VWF: variants seen among roughly 807,000 people sequenced by gnomAD.
VWF encodes Factor VIII related antigen.
A neutral mutation model predicts 308.6 loss-of-function variants in VWF; 176 were observed. That is an observed-to-expected ratio of 0.57 (90% CI 0.50 to 0.65). The LOEUF (loss-of-function observed/expected upper bound fraction) is 0.65. VWF is among the 30% of genes least tolerant of loss of function. The probability of loss-of-function intolerance (pLI) is 0.00; values close to 1 mark genes in which losing one functional copy is unlikely to be tolerated. For synonymous variants in VWF, 1,385 were observed against 1,443.4 expected (o/e 0.96, Z 0.92); for missense variants, 3,146 against 3,648.2 (o/e 0.86, Z 3.55).
intron 6 of VWF, among the ~76,000 whole-genome samples, chr12:6,084,025 G>C (rs1944943122): frequency 1.3e-5 from 2 of 152,106 alleles, no homozygotes; most frequent in Non-Finnish European, 2.9e-5. Flanking sequence ...ATCTTGCATG[G>C]CCCTGGACAT....
intron 5 of VWF, among the ~76,000 whole-genome samples, chr12:6,107,885 C>A (rs1945260876): frequency 6.6e-6 from 1 of 152,066 alleles, no homozygotes; most frequent in Non-Finnish European, 1.5e-5. Context: ...GTCTCCATCT[C>A]CTGACCTCAT....
chr12:6,080,349 C>A lies in VWF; in HGVS notation c.658-4798G>T, dbSNP rs113190143. Reference sequence around the variant, plus strand: ...CTCCAGCTCTTAACTGGCATTCAATCTACCTGAACCGGGTGTTTCCATGGG... The same window carrying A: ...CTCCAGCTCTTAACTGGCATTCAATATACCTGAACCGGGTGTTTCCATGGG... On this transcript the variant is annotated intron_variant, in intron 6 of 51. Coordinates refer to ENST00000261405, the MANE Select transcript of VWF (RefSeq NM_000552.5). Among the ~76,000 whole-genome samples, 569 of 152,364 alleles carry A rather than the reference C, an allele frequency of 3.7e-3. 2 individuals are homozygous for A. The highest frequency in any genetic ancestry group is 5.9e-3 in the Non-Finnish European group (404 of 68,038).
In VWF at chr12:6,123,122, G is replaced by T. The variant is rs1283796226; in HGVS notation, c.55+20C>A. ...TGGCCCTGGGGCAGGAATGAGAAAT[G>T]GAGGCCCTTTTGTACCTACCTGGCA... On this transcript the variant is annotated intron_variant, in intron 2 of 51. Transcript: ENST00000261405. The T allele has an allele frequency of 6.2e-7, 1 of 1,614,138 alleles. No homozygotes were observed. The highest frequency in any genetic ancestry group is 8.5e-7 in the Non-Finnish European group (1 of 1,179,998).
At chr12:6,118,024 C>T (rs369394710) in intron 3 of VWF, among the ~76,000 whole-genome samples, 75 of 152,194 alleles carry the variant, frequency 4.9e-4, no homozygotes, top group East Asian at 3.5e-3. Flanking sequence ...CAGTGCTGGA[C>T]GGGTGGAATG....
At chr12:6,022,118 C>T (rs1944136223) in intron 26 of VWF, 83 bp from the exon 27 acceptor site, 1 of 1,582,920 alleles carries the variant, frequency 6.3e-7, no homozygotes, top group Non-Finnish European at 8.7e-7. Flanking sequence ...AGGGAGGAGC[C>T]AACTCCTCCT....
At chr12:5,954,341 C>A (rs1196030668) in intron 47 of VWF, among the ~76,000 whole-genome samples, 5 of 152,168 alleles carry the variant, frequency 3.3e-5, no homozygotes, top group Non-Finnish European at 5.9e-5. Context: ...AACCTTCCTG[C>A]AGATGATGAT....
At chr12:6,014,166 G>A (rs554307089) in intron 31 of VWF, among the ~76,000 whole-genome samples, 1 of 152,172 alleles carries the variant, frequency 6.6e-6, no homozygotes, top group Non-Finnish European at 1.5e-5. Context: ...AGGCCCCAGA[G>A]CAGAAATGTG....
intron 20 of VWF, among the ~76,000 whole-genome samples, chr12:6,033,684 C>G (rs943302560): frequency 6.6e-6 from 1 of 152,212 alleles, no homozygotes; most frequent in African/African-American, 2.4e-5. Flanking sequence ...TCTGGGCCAG[C>G]CCGGGTGTGA....
At chr12:6,112,309 G>A (rs1315333883) in intron 3 of VWF, among the ~76,000 whole-genome samples, 1 of 152,168 alleles carries the variant, frequency 6.6e-6, no homozygotes, top group Non-Finnish European at 1.5e-5. Flanking sequence ...TTCACAGCGT[G>A]ACCAAAGCTT....
At chr12:6,034,652 G>A (rs753287707) in intron 20 of VWF, 36 bp downstream of exon 20, 4 of 1,613,148 alleles carry the variant, frequency 2.5e-6, no homozygotes, top group Middle Eastern at 1.7e-4. Flanking sequence ...CTCCTAGAAA[G>A]AAACAGCACC....
At chr12:6,092,614 T>TGAGTGAGAGAGAGAGA (rs71064187) in intron 6 of VWF, among the ~76,000 whole-genome samples, 4,726 of 85,430 alleles carry the variant, frequency 0.055, 337 homozygotes, top group South Asian at 0.069. Flanking sequence ...AGTGAGTGAG[T>TGAGTGAGAGAGAGAGA]GAGAGTGTGT....
Position 6,011,605 on chromosome 12 carries a change from C to A in VWF, c.5842+12G>T, listed in dbSNP as rs1217054959. On this transcript the variant is annotated intron_variant, in intron 34 of 51. Coordinates refer to ENST00000261405, the MANE Select transcript of VWF (RefSeq NM_000552.5). ...TTTGACGCTGCCCTGGCTGGAGAAG[C>A]AAAGGACTCACAGGGGCAGGTCCAG... 3 of 1,599,836 alleles carry A rather than the reference C, an allele frequency of 1.9e-6. No homozygotes were observed. Among genetic ancestry groups the A allele is most frequent in the African/African-American group, 1.3e-5 (1 of 74,844 alleles).
chr12:6,036,291 G>A (rs1451562527), intron 19 of VWF, 97 bp downstream of exon 19: 12 of 1,036,530 alleles, frequency 1.2e-5, no homozygotes, highest in Non-Finnish European at 1.7e-5. Flanking sequence ...GTTCCCACAG[G>A]GGGCTGGAGG....
chr12:6,059,711 G>T (rs1944632593), intron 13 of VWF, among the ~76,000 whole-genome samples: 2 of 152,188 alleles, frequency 1.3e-5, no homozygotes, highest in African/African-American at 4.8e-5. Flanking sequence ...TCACCTTGGG[G>T]GTTAGGATTT....
intron 3 of VWF, 33 bp downstream of exon 3, chr12:6,121,141 T>C: frequency 1.9e-6 from 3 of 1,613,910 alleles, no homozygotes; most frequent in South Asian, 2.2e-5. Flanking sequence ...CAGCCCTCCC[T>C]CTGAAGTCCT....
At chr12:5,996,919 C>T (rs1224484211) in intron 34 of VWF, among the ~76,000 whole-genome samples, 1 of 152,100 alleles carries the variant, frequency 6.6e-6, no homozygotes, top group Non-Finnish European at 1.5e-5. Flanking sequence ...ACATTGAAGG[C>T]ACCACCACCA....
chr12:6,075,457 TCA>T lies in VWF; in HGVS notation c.750_751del (p.Cys250Ter). 1 of 1,614,160 alleles carries T rather than the reference TCA, an allele frequency of 6.2e-7. No homozygotes were observed. The highest frequency in any genetic ancestry group is 8.5e-7 in the Non-Finnish European group (1 of 1,180,018). Reference sequence around the variant, plus strand: ...CCCAGCACACTCACACAAAGTCTTCTCACACAGGGCCACAAAAGGCTCGGGGT... The same window carrying T: ...CCCAGCACACTCACACAAAGTCTTCTCACAGGGCCACAAAAGGCTCGGGGT... On this transcript the variant is annotated stop_gained and frameshift_variant, in exon 7 of 52. Coordinates refer to ENST00000261405, the MANE Select transcript of VWF (RefSeq NM_000552.5). LOFTEE classifies it high-confidence loss of function. The surrounding 1 kb of genome is among the most constrained non-coding windows in gnomAD (Gnocchi z 4.7).
intron 6 of VWF, among the ~76,000 whole-genome samples, chr12:6,079,295 C>G (rs112083683): frequency 6.6e-6 from 1 of 152,174 alleles, no homozygotes; most frequent in African/African-American, 2.4e-5. Flanking sequence ...CAGACCAGGT[C>G]CTGAGACAGG....
At chr12:5,995,706 A>G (rs1436523626) in intron 35 of VWF, among the ~76,000 whole-genome samples, 2 of 152,176 alleles carry the variant, frequency 1.3e-5, no homozygotes, top group South Asian at 2.1e-4. Flanking sequence ...CCGAGTGAAC[A>G]ATCCTGATGC....
Sources: allele counts gnomAD v4.1 joint callset (sites outside exome capture counted in the v4.1 genomes callset), GRCh38; gene constraint gnomAD v4.1.1; non-coding constraint Gnocchi (gnomAD v3.1); transcripts MANE v1.5; gene names NCBI Gene and HGNC (gene_info 2026-07-23, HGNC 2026-07-21).